Variants in KL observed in about 807,000 individuals in gnomAD.
KL encodes the protein klotho, also known as alpha-klotho.
Under a neutral mutation model 84.2 loss-of-function variants are expected in KL, and 62 were observed. The observed-to-expected ratio is 0.74, with a 90% CI of 0.60 to 0.91. The LOEUF is 0.91. Ranked by LOEUF, KL falls within the 40% of genes least tolerant of loss-of-function variation. The probability of loss-of-function intolerance (pLI) is 0.00; values close to 1 mark genes in which losing one functional copy is unlikely to be tolerated. For missense variants in KL, 1,261 were observed against 1,305.7 expected, an observed-to-expected ratio of 0.97 and a Z score of 0.53; for synonymous variants, 528 against 528.0, an observed-to-expected ratio of 1.00 and a Z score of 0.00.
chr13:33,057,223 C>T (rs562958729), intron 3 of KL, among the ~76,000 whole-genome samples: 2 of 152,142 alleles, frequency 1.3e-5, no homozygotes, highest in South Asian at 2.1e-4. Context: ...CCTTTGTATG[C>T]GGCACAATCT....
chr13:33,016,500 G>T lies in KL; in HGVS notation c.60G>T (p.Leu20=), dbSNP rs1870334267. 2 of 1,227,418 alleles carry T rather than the reference G, an allele frequency of 1.6e-6. No homozygotes were observed. Among genetic ancestry groups the T allele is most frequent in the African/African-American group, 3.2e-5 (2 of 63,432 alleles). 76.0% of individuals were successfully genotyped at this position (1,227,418 alleles called of 1,614,324 possible). ...PRPPPPSLSL[L]LVLLGLGGRR... is the part of the protein sequence containing the mutation. ...CGCCGCCGCCGTCGCTGTCGCTGCT[G>T]CTGGTGCTGCTGGGCCTGGGCGGCC... Residue 20 remains leucine (L), a synonymous_variant, in exon 1 of 5, where the codon CTG becomes CTT. Transcript: ENST00000380099.
In KL at chr13:33,016,570, C is replaced by G. The variant is rs1277641602; in HGVS notation, c.130C>G (p.Arg44Gly). 6 of 1,479,104 alleles carry G rather than the reference C, an allele frequency of 4.1e-6. No individual in the cohort carries two copies. Among genetic ancestry groups the G allele is most frequent in the South Asian group, 1.4e-5 (1 of 73,574 alleles). The allele number at this position is 1,479,104 out of a possible 1,614,324, so 91.6% of individuals were successfully genotyped here. The change falls in exon 1 of 5, where the codon CGT becomes GGT. Residue 44 changes from arginine to glycine, a missense_variant. Physicochemically the swap from Arg to Gly is moderately radical, Grantham distance 125. Coordinates refer to ENST00000380099, the MANE Select transcript of KL (RefSeq NM_004795.4). The stretch of plus-strand genomic sequence containing the variant: ...GGGCGACGGCGCGCAGACCTGGGCC[C>G]GTTTCTCGCGGCCTCCTGCCCCCGA... ...EPGDGAQTWA[R>G]FSRPPAPEAA...
At position 33,065,804 on chromosome 13, in the gene KL, A is replaced by G. The variant is rs989483607; in HGVS notation, c.*1618A>G. On this transcript the variant is annotated 3_prime_UTR_variant, in exon 5 of 5. Transcript: ENST00000380099. ...ATCTCAGAACCCAGAAATAGCCACTATTAACATTTCCTACGTATTTTATTT... is the reference window on the plus strand; with the variant it reads ...ATCTCAGAACCCAGAAATAGCCACTGTTAACATTTCCTACGTATTTTATTT... 2 of 174,422 alleles carry G rather than the reference A, an allele frequency of 1.1e-5. No homozygotes were observed. Among genetic ancestry groups the G allele is most frequent in the Non-Finnish European group, 2.5e-5 (2 of 81,000 alleles). 10.8% of individuals were successfully genotyped at this position (174,422 alleles called of 1,614,324 possible). A position where few individuals can be genotyped will look rare whatever the true frequency, so the allele number is the denominator to read the frequency against.
chr13:33,059,678 G>A (rs2138240670), intron 3 of KL, among the ~76,000 whole-genome samples: 1 of 152,190 alleles, frequency 6.6e-6, no homozygotes, highest in African/African-American at 2.4e-5. Flanking sequence ...TCACCATGTT[G>A]GTCAGGCTGG....
Position 33,017,273 on chromosome 13 carries a change from G to T in KL, c.819+14G>T, listed in dbSNP as rs1260577370. On this transcript the variant is annotated intron_variant, in intron 1 of 4. Transcript: ENST00000380099. ...AACCTCCTCCTGGTGAGTGCGAGGG[G>T]CCAGGCGGAGGGCCACGCAGGGGAG... The T allele has an allele frequency of 1.2e-5, 19 of 1,548,330 alleles. No homozygotes were observed. The Admixed American group carries it at 3.4e-4, about 28-fold the overall frequency.
chr13:33,035,221 G>A (rs1871113882), intron 1 of KL, among the ~76,000 whole-genome samples: 1 of 152,114 alleles, frequency 6.6e-6, no homozygotes, highest in Admixed American at 6.5e-5. Context: ...CTTTTTCTTT[G>A]GGTGAAAAGC....
chr13:33,051,354 A>G (rs1871743859), intron 1 of KL, among the ~76,000 whole-genome samples: 1 of 152,206 alleles, frequency 6.6e-6, no homozygotes, highest in African/African-American at 2.4e-5. Flanking sequence ...AGCCAGGGCA[A>G]CACAGCAAGA....
At position 33,055,332 on chromosome 13, in the gene KL, A is replaced by G. The variant is rs1181400885; in HGVS notation, c.1599+17A>G. ...TACATTCAAGTAAGTCAGCTGACAAAACCAATCAGCAGTCTCACCAAGCCC... is the reference window on the plus strand; with the variant it reads ...TACATTCAAGTAAGTCAGCTGACAAGACCAATCAGCAGTCTCACCAAGCCC... On this transcript the variant is annotated intron_variant, in intron 3 of 4. Coordinates refer to ENST00000380099, the MANE Select transcript of KL (RefSeq NM_004795.4). 1 of 1,614,110 alleles carries G rather than the reference A, an allele frequency of 6.2e-7. No homozygotes were observed. Among genetic ancestry groups the G allele is most frequent in the Middle Eastern group, 1.6e-4 (1 of 6,062 alleles).
chr13:33,022,716 C>T (rs747203172), intron 1 of KL, among the ~76,000 whole-genome samples: 2 of 152,180 alleles, frequency 1.3e-5, no homozygotes, highest in Admixed American at 6.5e-5. Flanking sequence ...GGATCATTTA[C>T]TCAGTTGTGG....
chr13:33,023,897 C>T (rs935347709), intron 1 of KL, among the ~76,000 whole-genome samples: 3 of 152,118 alleles, frequency 2.0e-5, no homozygotes, highest in Non-Finnish European at 2.9e-5. Flanking sequence ...TGGAAAATCC[C>T]AGGTTACACT....
chr13:33,038,167 C>T (rs904860679), intron 1 of KL, among the ~76,000 whole-genome samples: 2 of 152,240 alleles, frequency 1.3e-5, no homozygotes, highest in Non-Finnish European at 2.9e-5. Flanking sequence ...GTGACCTATT[C>T]TGTCAAATCC....
chr13:33,054,089 A>T lies in KL; in HGVS notation c.1142A>T (p.Asp381Val). The part of the protein sequence containing the change: ...FGPTLSFQLL[D>V]PHMKFRQLES... ...CCCACCTTGAGTTTTCAACTTTTGG[A>T]CCCTCACATGAAGTTCCGCCAATTG... Residue 381 changes from aspartate (D) to valine (V), a missense_variant, in exon 2 of 5, where the codon GAC (aspartate) becomes GTC (valine). By Grantham distance (152) the Asp-to-Val change is radical (BLOSUM62 -3). Coordinates refer to ENST00000380099, the MANE Select transcript of KL (RefSeq NM_004795.4). 6.2e-7 allele frequency: 1 copy of T among 1,613,914 alleles called. No individual in the cohort carries two copies. Among genetic ancestry groups the T allele is most frequent in the Non-Finnish European group, 8.5e-7 (1 of 1,179,962 alleles).
At chr13:33,024,436 G>C (rs1870684355) in intron 1 of KL, among the ~76,000 whole-genome samples, 1 of 152,222 alleles carries the variant, frequency 6.6e-6, no homozygotes, top group Non-Finnish European at 1.5e-5. Context: ...ACCTGCCTCT[G>C]TCTCATCATC....
At chr13:33,063,158 A>T (rs1004186696) in intron 4 of KL, among the ~76,000 whole-genome samples, 2 of 151,822 alleles carry the variant, frequency 1.3e-5, no homozygotes, top group African/African-American at 4.8e-5. Flanking sequence ...TGAAGTGACC[A>T]TTGCCATGGT....
chr13:33,029,469 T>C (rs1237949901), intron 1 of KL, among the ~76,000 whole-genome samples: 1 of 152,234 alleles, frequency 6.6e-6, no homozygotes, highest in Non-Finnish European at 1.5e-5. Context: ...AGTACTATCT[T>C]ATTTGCACTC....
chr13:33,024,603 T>C (rs931465890), intron 1 of KL, among the ~76,000 whole-genome samples: 1 of 152,228 alleles, frequency 6.6e-6, no homozygotes, highest in Admixed American at 6.5e-5. Flanking sequence ...GCTGCAAAGC[T>C]GCAGGGGAGG....
rs9536312 is a variant in KL, at chr13:33,053,688, C to T, written c.820-79C>T. The stretch of plus-strand genomic sequence containing the variant: ...AGGCTTGATGAGAAACAGATATAAT[C>T]TGATTTGGGGATTCAAGTATTATAT... On this transcript the variant is annotated intron_variant, in intron 1 of 4. Transcript: ENST00000380099. 0.15 allele frequency: 197,222 copies of T among 1,293,620 alleles called. 16,365 individuals carry two copies. The highest frequency in any genetic ancestry group is 0.18 in the African/African-American group (12,374 of 68,396). The allele number at this position is 1,293,620 out of a possible 1,614,324, so 80.1% of individuals were successfully genotyped here. A position where few individuals can be genotyped will look rare whatever the true frequency, so the allele number is the denominator to read the frequency against.
At chr13:33,059,034 A>G (rs554422321) in intron 3 of KL, among the ~76,000 whole-genome samples, 1 of 152,188 alleles carries the variant, frequency 6.6e-6, no homozygotes, top group African/African-American at 2.4e-5. Context: ...AAACACACTT[A>G]TCTCTCCAGA....
intron 1 of KL, among the ~76,000 whole-genome samples, chr13:33,019,708 G>GT (rs1870499838): frequency 7.5e-6 from 1 of 133,174 alleles, no homozygotes; most frequent in Admixed American, 7.8e-5. Context: ...TGGCAAAAAT[G>GT]GTGTGTGTGT....
Sources: allele counts gnomAD v4.1 joint callset (sites outside exome capture counted in the v4.1 genomes callset), GRCh38; gene constraint gnomAD v4.1.1; transcripts MANE v1.5; gene names NCBI Gene and HGNC (gene_info 2026-07-23, HGNC 2026-07-21).